The following CHRNA7 variants were observed in gnomAD, a reference collection of about 807,000 sequenced individuals.
The protein encoded by CHRNA7 is neuronal acetylcholine receptor subunit alpha-7.
CHRNA7 carries 17 observed loss-of-function variants against 48.0 expected under a neutral mutation model. That is an observed-to-expected ratio of 0.35 (90% confidence interval 0.24 to 0.53). CHRNA7 has a LOEUF of 0.53. Among genes scored for constraint, CHRNA7 ranks in the 20% least tolerant of loss-of-function variants. CHRNA7 has a pLI of 0.92. For missense variants in CHRNA7, 155 were observed against 577.7 expected (o/e 0.27, Z 7.50); for synonymous variants, 75 against 242.3 (o/e 0.31, Z 6.41).
At chr15:32,123,830 C>T (rs988688914) in intron 4 of CHRNA7, among the ~76,000 whole-genome samples, 1 of 152,010 alleles carries the variant, frequency 6.6e-6, no homozygotes, top group Admixed American at 6.6e-5. Context: ...TGCCCCTGTG[C>T]CCATGTAGGC....
chr15:32,152,794 A>C (rs12906868), intron 4 of CHRNA7, among the ~76,000 whole-genome samples: 15,132 of 152,108 alleles, frequency 0.099, 904 homozygotes, highest in East Asian at 0.14. Context: ...GTTGTTTACT[A>C]TCTCTCCAAG....
chr15:32,114,019 A>AATAT (rs57220454), intron 4 of CHRNA7, among the ~76,000 whole-genome samples: 3,766 of 109,056 alleles, frequency 0.035, 94 homozygotes, highest in African/African-American at 0.047. Context: ...GCTATCTCCA[A>AATAT]ATATATATAT....
intron 3 of CHRNA7, chr15:32,102,662 A>C (rs975983347): frequency 6.6e-6 from 1 of 152,212 alleles, no homozygotes; most frequent in African/African-American, 2.4e-5. Flanking sequence ...TCTGCCCAAG[A>C]TGAGTTTGTT....
chr15:32,071,124 CTT>C (rs2050051446), intron 2 of CHRNA7, among the ~76,000 whole-genome samples: 1 of 152,070 alleles, frequency 6.6e-6, no homozygotes, highest in Non-Finnish European at 1.5e-5. Context: ...TTTCTAGAGT[CTT>C]TATTCTGTTT....
In CHRNA7 at chr15:32,079,449, C is replaced by T. The variant is rs561163625; in HGVS notation, c.196-21854C>T. ...TCCTTAAGCTGATAAGAAACTTCAGCAAAATCTCAGGACAGGAAATCAATA... is the reference window on the plus strand; with the variant it reads ...TCCTTAAGCTGATAAGAAACTTCAGTAAAATCTCAGGACAGGAAATCAATA... On this transcript the variant is annotated intron_variant, in intron 2 of 9. Transcript: ENST00000306901. 6.6e-5 allele frequency among the ~76,000 whole-genome samples: 10 copies of T among 152,256 alleles called. 1 individual carries two copies. The South Asian group carries it at 1.7e-3, about 25-fold the overall frequency.
intron 2 of CHRNA7, among the ~76,000 whole-genome samples, chr15:32,062,252 G>A (rs954488890): frequency 2.0e-4 from 31 of 152,174 alleles, no homozygotes; most frequent in African/African-American, 7.5e-4. Context: ...CCACTACCAC[G>A]CATAATTAAC....
intron 4 of CHRNA7, among the ~76,000 whole-genome samples, chr15:32,143,471 A>G (rs1217845308): frequency 1.3e-5 from 2 of 152,122 alleles, no homozygotes; most frequent in Non-Finnish European, 2.9e-5. Context: ...AATCCTGGGT[A>G]TTCTTGTTAA....
At chr15:32,032,567 G>A (rs1901894781) in intron 2 of CHRNA7, among the ~76,000 whole-genome samples, 2 of 152,178 alleles carry the variant, frequency 1.3e-5, no homozygotes, top group Admixed American at 1.3e-4. Flanking sequence ...AAAGGACCAG[G>A]CAGCAGAGCT....
At chr15:32,137,344 C>CA (rs554249751) in intron 4 of CHRNA7, among the ~76,000 whole-genome samples, 149 of 151,386 alleles carry the variant, frequency 9.8e-4, no homozygotes, top group African/African-American at 2.8e-3. Flanking sequence ...CACCCCCCCC[C>CA]CACACAAACA....
chr15:32,090,679 T>C (rs2050369120), intron 2 of CHRNA7, among the ~76,000 whole-genome samples: 1 of 151,898 alleles, frequency 6.6e-6, no homozygotes, highest in East Asian at 1.9e-4. Flanking sequence ...TCTGTTGTTA[T>C]GAGAGTGATT....
At chr15:32,107,763 G>A (rs539309158) in intron 3 of CHRNA7, among the ~76,000 whole-genome samples, 7 of 152,190 alleles carry the variant, frequency 4.6e-5, no homozygotes, top group East Asian at 1.9e-4. Context: ...ACCCCGTCTC[G>A]AGCCCCTTTC....
At chr15:32,048,008 C>T (rs1299414503) in intron 2 of CHRNA7, among the ~76,000 whole-genome samples, 1 of 152,098 alleles carries the variant, frequency 6.6e-6, no homozygotes, top group African/African-American at 2.4e-5. Context: ...GTCTTGCATC[C>T]CAGGGATGAA....
intron 2 of CHRNA7, among the ~76,000 whole-genome samples, chr15:32,067,032 C>T (rs1026461597): frequency 1.3e-5 from 2 of 152,018 alleles, no homozygotes; most frequent in Non-Finnish European, 2.9e-5. Context: ...CATCAGAAAC[C>T]TGTGAGAAAA....
chr15:32,030,915 T>C lies in CHRNA7; in HGVS notation c.73T>C (p.Phe25Leu), dbSNP rs748032423. 3.7e-6 allele frequency: 6 copies of C among 1,613,846 alleles called. No homozygotes were observed. The East Asian group carries it at 1.1e-4, about 30-fold the overall frequency. ...SLLHVSLQGE[F>L]QRKLYKELVK... ...TCCTTAAGTGTCCCTGCAAGGCGAG[T>C]TCCAGAGGAAGCTTTACAAGGAGCT... Residue 25 changes from phenylalanine (F) to leucine (L), a missense_variant, in exon 2 of 10, where the codon TTC becomes CTC. Physicochemically the swap from Phe to Leu is conservative, Grantham distance 22. Transcript: ENST00000306901.
chr15:32,039,558 T>C (rs1595373456), intron 2 of CHRNA7, among the ~76,000 whole-genome samples: 1 of 152,180 alleles, frequency 6.6e-6, no homozygotes, highest in East Asian at 1.9e-4. Flanking sequence ...CCACGTATTT[T>C]TGGATTTTTC....
At chr15:32,127,596 C>G (rs1311606792) in intron 4 of CHRNA7, among the ~76,000 whole-genome samples, 1 of 152,038 alleles carries the variant, frequency 6.6e-6, no homozygotes, top group Non-Finnish European at 1.5e-5. Context: ...CCTGTATATC[C>G]TCTTCATTGA....
chr15:32,047,682 G>A, intron 2 of CHRNA7, among the ~76,000 whole-genome samples: 1 of 152,060 alleles, frequency 6.6e-6, no homozygotes, highest in Admixed American at 6.6e-5. Context: ...CTGCCTGATT[G>A]CTCCGGCCAG....
intron 4 of CHRNA7, among the ~76,000 whole-genome samples, chr15:32,122,124 A>G (rs1054924968): frequency 3.3e-5 from 5 of 152,160 alleles, no homozygotes; most frequent in African/African-American, 1.2e-4. Flanking sequence ...CACATTTTGT[A>G]ATCCCCCCAA....
rs1472907448 is a variant in CHRNA7, at chr15:32,031,047, G to T, written c.195+10G>T. The T allele has an allele frequency of 1.2e-6, 2 of 1,613,946 alleles. No individual in the cohort carries two copies. Among genetic ancestry groups the T allele is most frequent in the African/African-American group, 2.7e-5 (2 of 75,040 alleles). ...GCAGATCATGGACGTGGTGAGTCCC[G>T]CCTGGCTACAGGGCTGCCCTCTCCC... On this transcript the variant is annotated intron_variant, in intron 2 of 9. Coordinates refer to ENST00000306901, the MANE Select transcript of CHRNA7 (RefSeq NM_000746.6).
Sources: gnomAD v4.1 joint callset for allele counts (sites outside exome capture counted in the v4.1 genomes callset) on GRCh38, gnomAD v4.1.1 for gene constraint, MANE v1.5 for transcripts, NCBI Gene and HGNC (gene_info 2026-07-23, HGNC 2026-07-21) for gene names.